Variants in CFAP206 observed in about 807,000 individuals in gnomAD.
CFAP206 encodes the protein cilia- and flagella-associated protein 206.
CFAP206 carries 53 observed loss-of-function variants against 65.4 expected under a neutral mutation model. The observed-to-expected ratio is 0.81, with a 90% CI of 0.65 to 1.02. The LOEUF is 1.02. Ranked by LOEUF, CFAP206 falls within the 50% of genes least tolerant of loss-of-function variation. CFAP206 has a pLI of 0.00. For synonymous variants in CFAP206, 250 were observed against 254.4 expected, an observed-to-expected ratio of 0.98 and a Z score of 0.17; for missense variants, 663 against 753.2, an observed-to-expected ratio of 0.88 and a Z score of 1.40.
In CFAP206 at chr6:87,415,786, A is replaced by G; in HGVS notation, c.384A>G (p.Glu128=). The change falls in exon 5 of 13, where the codon GAA becomes GAG. Residue 128 remains glutamate (E), a synonymous_variant. Transcript: ENST00000369562. ...GAGCATGTGCTAAAGAAGAATTGGA[A>G]AGCCTCTACCGGAAGATTATCAGCT... is the stretch of plus-strand genomic sequence containing the variant. ...DNRACAKEEL[E]SLYRKIISYV... The G allele has an allele frequency of 1.2e-6, 2 of 1,613,722 alleles. No homozygotes were observed. Among genetic ancestry groups the G allele is most frequent in the Non-Finnish European group, 1.7e-6 (2 of 1,179,790 alleles).
intron 11 of CFAP206, among the ~76,000 whole-genome samples, chr6:87,455,489 A>C (rs1692171138): frequency 6.6e-6 from 1 of 152,174 alleles, no homozygotes; most frequent in African/African-American, 2.4e-5. Flanking sequence ...AGATGAAAAG[A>C]AATAATAAAG....
chr6:87,416,509 TAA>T (rs1162148056), intron 5 of CFAP206, among the ~76,000 whole-genome samples, 158 bp from the exon 6 acceptor site: 1 of 152,226 alleles, frequency 6.6e-6, no homozygotes, highest in Non-Finnish European at 1.5e-5. Context: ...TGATGCGTGA[TAA>T]GTTTTATTAT....
intron 11 of CFAP206, among the ~76,000 whole-genome samples, chr6:87,444,160 G>A (rs971454768): frequency 1.3e-5 from 2 of 152,150 alleles, no homozygotes; most frequent in African/African-American, 4.8e-5. Flanking sequence ...GGTTTAAAAA[G>A]TGTTTAAAGT....
chr6:87,417,856 A>G (rs62417640), intron 6 of CFAP206, among the ~76,000 whole-genome samples: 1 of 150,920 alleles, frequency 6.6e-6, no homozygotes, highest in East Asian at 1.9e-4. Context: ...CCCGGGTTCA[A>G]GTGATTCTCC....
intron 11 of CFAP206, among the ~76,000 whole-genome samples, chr6:87,446,846 G>T (rs935479896): frequency 1.3e-5 from 2 of 152,036 alleles, no homozygotes; most frequent in South Asian, 4.1e-4. Context: ...TTTTCCATTC[G>T]TTTGTGTCTT....
intron 11 of CFAP206, among the ~76,000 whole-genome samples, chr6:87,456,055 C>A (rs2179844): frequency 0.59 from 89,842 of 151,978 alleles, 26,801 homozygotes; most frequent in Admixed American, 0.67. Flanking sequence ...GACACATCAA[C>A]AAAGGAAAAC....
intron 11 of CFAP206, among the ~76,000 whole-genome samples, chr6:87,446,594 T>C (rs1462889343): frequency 6.6e-6 from 1 of 152,178 alleles, no homozygotes; most frequent in Non-Finnish European, 1.5e-5. Flanking sequence ...TTTTGGTTAC[T>C]GTAGGCTGCA....
At chr6:87,449,436 CAAAAAAAA>C (rs34540279) in intron 11 of CFAP206, among the ~76,000 whole-genome samples, 1 of 53,060 alleles carries the variant, frequency 1.9e-5, no homozygotes, top group Non-Finnish European at 3.8e-5. Context: ...GACTCCATCT[CAAAAAAAA>C]AAAAAAAAAA....
chr6:87,451,716 A>G (rs1226207477), intron 11 of CFAP206, among the ~76,000 whole-genome samples: 1 of 151,866 alleles, frequency 6.6e-6, no homozygotes, highest in African/African-American at 2.4e-5. Flanking sequence ...GCACAAATCA[A>G]ACTCCTATAG....
intron 11 of CFAP206, among the ~76,000 whole-genome samples, chr6:87,458,385 C>CTA (rs1768686304): frequency 6.6e-6 from 1 of 152,148 alleles, no homozygotes; most frequent in Non-Finnish European, 1.5e-5. Context: ...TATTACAGCA[C>CTA]TATCCACAGT....
chr6:87,443,029 A>C (rs943245634), intron 11 of CFAP206, among the ~76,000 whole-genome samples: 1 of 152,108 alleles, frequency 6.6e-6, no homozygotes, highest in African/African-American at 2.4e-5. Flanking sequence ...TCTCTGAAAG[A>C]ATTTATGTAT....
At chr6:87,442,995 G>A (rs765035869) in intron 11 of CFAP206, among the ~76,000 whole-genome samples, 3 of 152,042 alleles carry the variant, frequency 2.0e-5, no homozygotes, top group Non-Finnish European at 4.4e-5. Context: ...TTATAAATGA[G>A]TATGAATGTT....
intron 7 of CFAP206, among the ~76,000 whole-genome samples, chr6:87,424,334 C>G (rs1768000802): frequency 6.6e-6 from 1 of 152,038 alleles, no homozygotes; most frequent in Admixed American, 6.6e-5. Flanking sequence ...AGCTGGAGTG[C>G]AGTGGCTCGA....
At chr6:87,439,647 C>A (rs1424238462) in intron 11 of CFAP206, among the ~76,000 whole-genome samples, 1 of 151,802 alleles carries the variant, frequency 6.6e-6, no homozygotes, top group African/African-American at 2.4e-5. Context: ...ATATTCTTAC[C>A]TTTTTTTAAA....
intron 12 of CFAP206, among the ~76,000 whole-genome samples, chr6:87,462,190 A>G (rs1319592653): frequency 2.0e-5 from 3 of 152,146 alleles, no homozygotes; most frequent in Middle Eastern, 3.2e-3. Flanking sequence ...AAAGAGTTCT[A>G]TTGTCATATA....
chr6:87,438,962 T>G (rs1768322938), intron 11 of CFAP206, among the ~76,000 whole-genome samples: 1 of 152,210 alleles, frequency 6.6e-6, no homozygotes, highest in Non-Finnish European at 1.5e-5. Context: ...CATTGGTCTA[T>G]TTATCATCTC....
intron 8 of CFAP206, among the ~76,000 whole-genome samples, chr6:87,427,550 T>A (rs1768064859): frequency 6.6e-6 from 1 of 152,188 alleles, no homozygotes; most frequent in African/African-American, 2.4e-5. Flanking sequence ...AACTTAGATG[T>A]GGGGCCTTAT....
chr6:87,455,797 A>G (rs6454629), intron 11 of CFAP206, among the ~76,000 whole-genome samples: 88,899 of 151,972 alleles, frequency 0.58, 26,199 homozygotes, highest in Admixed American at 0.67. Flanking sequence ...AACCTACCAA[A>G]ATTGAACCAT....
At chr6:87,415,618 C>T in intron 4 of CFAP206, 68 bp from the exon 5 acceptor site, 5 of 1,395,056 alleles carry the variant, frequency 3.6e-6, no homozygotes, top group Non-Finnish European at 4.0e-6. Flanking sequence ...TCCAGTTTTT[C>T]TCTAGTTCTT....
Sources: gnomAD v4.1 joint callset for allele counts (sites outside exome capture counted in the v4.1 genomes callset) on GRCh38, gnomAD v4.1.1 for gene constraint, MANE v1.5 for transcripts, NCBI Gene and HGNC (gene_info 2026-07-23, HGNC 2026-07-21) for gene names.